MELTF: variants seen among roughly 807,000 people sequenced by gnomAD.
MELTF encodes the protein antigen p97 (melanoma associated) identified by monoclonal antibodies 133.2 and 96.5.
A neutral mutation model predicts 83.7 loss-of-function variants in MELTF; 67 were observed. The observed-to-expected ratio is 0.80, with a 90% CI of 0.66 to 0.98. The LOEUF (loss-of-function observed/expected upper bound fraction) is 0.98, where lower values mean the gene tolerates loss of function less well. Among genes scored for constraint, MELTF ranks in the 50% least tolerant of loss-of-function variants. MELTF has a pLI of 0.00. For missense variants in MELTF, 1,002 were observed against 1,035.6 expected (o/e 0.97, Z 0.44); for synonymous variants, 462 against 447.6 (o/e 1.03, Z -0.41).
chr3:197,003,805 C>T lies in MELTF; in HGVS notation c.2137+96G>A. Reference sequence around the variant, plus strand: ...ACTGCTGCGAACGGGCCTCCACCCGCCTCCCCGGACCCGCAGCGCCCCCCG... The same window carrying T: ...ACTGCTGCGAACGGGCCTCCACCCGTCTCCCCGGACCCGCAGCGCCCCCCG... On this transcript the variant is annotated intron_variant, in intron 15 of 15. Transcript: ENST00000296350. This position sits in a 1 kb window ranked among gnomAD's most constrained non-coding sequence, Gnocchi z 6.2. 1 of 1,360,558 alleles carries T rather than the reference C, an allele frequency of 7.3e-7. No individual in the cohort carries two copies. The highest frequency in any genetic ancestry group is 1.0e-6 in the Non-Finnish European group (1 of 992,338). 84.3% of individuals were successfully genotyped at this position (1,360,558 alleles called of 1,614,324 possible).
At chr3:197,021,365 C>T (rs1719615396) in intron 6 of MELTF, 39 bp downstream of exon 6, 10 of 1,608,314 alleles carry the variant, frequency 6.2e-6, no homozygotes, top group Non-Finnish European at 8.5e-6. Flanking sequence ...CCTGGCCTGA[C>T]TCCCTGCTCC....
rs928755356 is a variant in MELTF, at chr3:197,029,727, C to CGGGCTG, written c.-31_-26dup. ...TGGCGCCGTCGGGGCTGGCTGGGGC[C>CGGGCTG]GGGCTGGGGCTGGGTCCGGGTCCGA... On this transcript the variant is annotated 5_prime_UTR_variant, in exon 1 of 16. Coordinates refer to ENST00000296350, the MANE Select transcript of MELTF (RefSeq NM_005929.6). The surrounding 1 kb of genome is among the most constrained non-coding windows in gnomAD (Gnocchi z 6.5). 5.7e-6 allele frequency: 7 copies of CGGGCTG among 1,231,514 alleles called. No individual in the cohort carries two copies. Among genetic ancestry groups the CGGGCTG allele is most frequent in the Non-Finnish European group, 6.1e-6 (6 of 987,300 alleles). 76.3% of individuals were successfully genotyped at this position (1,231,514 alleles called of 1,614,324 possible). A position where few individuals can be genotyped will look rare whatever the true frequency, so the allele number is the denominator to read the frequency against.
chr3:197,026,449 G>A (rs1353312646), intron 3 of MELTF: 1 of 576,374 alleles, frequency 1.7e-6, no homozygotes, highest in Admixed American at 2.9e-5. Context: ...GCTCCCTGCG[G>A]GCAAGAGCAG....
rs534255605 is a variant in MELTF at position 197,006,251 on chromosome 3, T to G, written c.1938+298A>C. On this transcript the variant is annotated intron_variant, in intron 14 of 15. Transcript: ENST00000296350. This position sits in a 1 kb window ranked among gnomAD's most constrained non-coding sequence, Gnocchi z 5.4. ...AAAAAAGAAAAAAAGGGAGCAGGAT[T>G]ACAGCTGCAAGAGGATGGATGTGAG... Among the ~76,000 whole-genome samples, 103 of 152,104 alleles carry G rather than the reference T, an allele frequency of 6.8e-4. 1 individual carries two copies. The South Asian group carries it at 0.021, about 30-fold the overall frequency.
At position 197,016,246 on chromosome 3, in the gene MELTF, C is replaced by T; in HGVS notation, c.1024G>A (p.Ala342Thr). The change falls in exon 8 of 16, where the codon GCG (alanine) becomes ACG (threonine). Residue 342 changes from alanine (A) to threonine (T), a missense_variant. Transcript: ENST00000296350. ...LVPIATQTYE[A>T]WLGHEYLHAM... is the part of the protein sequence containing the mutation. ...TGCAGGTACTCATGGCCCAGCCACGCCTCATAGGTCTGTGTGGCGATGGGC... is the reference window on the plus strand; with the variant it reads ...TGCAGGTACTCATGGCCCAGCCACGTCTCATAGGTCTGTGTGGCGATGGGC... The T allele has an allele frequency of 6.2e-7, 1 of 1,610,214 alleles. No homozygotes were observed. The highest frequency in any genetic ancestry group is 8.5e-7 in the Non-Finnish European group (1 of 1,178,012).
rs781365544 is a variant in MELTF, at chr3:197,021,480, GAGA to G, written c.645-12_645-10del. On this transcript the variant is annotated splice_polypyrimidine_tract_variant and intron_variant, in intron 5 of 15. Transcript: ENST00000296350. Reference sequence around the variant, plus strand: ...CCCCTTCCGCCAGGCACCTGCGGAGGAGAAGCTGTGGGTCTGGATGGGCTGAGC... The same window carrying G: ...CCCCTTCCGCCAGGCACCTGCGGAGGAGCTGTGGGTCTGGATGGGCTGAGC... 1 of 1,613,334 alleles carries G rather than the reference GAGA, an allele frequency of 6.2e-7. No individual in the cohort carries two copies. The highest frequency in any genetic ancestry group is 8.5e-7 in the Non-Finnish European group (1 of 1,179,918).
At chr3:197,021,494 C>G (rs769819804) in intron 5 of MELTF, 23 bp from the exon 6 acceptor site, 1 of 1,611,470 alleles carries the variant, frequency 6.2e-7, no homozygotes, top group East Asian at 2.2e-5. Context: ...AGCTGTGGGT[C>G]TGGATGGGCT....
chr3:197,026,841 G>A, intron 2 of MELTF, 82 bp from the exon 3 acceptor site: 1 of 1,310,550 alleles, frequency 7.6e-7, no homozygotes, highest in Non-Finnish European at 1.1e-6. Context: ...AGATGGCCTG[G>A]GGCCCCACCC....
At position 197,010,686 on chromosome 3, in the gene MELTF, C is replaced by A; in HGVS notation, c.1330+12G>T. 6.2e-7 allele frequency: 1 copy of A among 1,607,812 alleles called. No individual in the cohort carries two copies. On this transcript the variant is annotated intron_variant, in intron 10 of 15. Transcript: ENST00000296350. Reference sequence around the variant, plus strand: ...CTCCCGGCTGAGGCCAGGCGGCAGGCCCTGCACTCACGGGCATAGTGCTCC... The same window carrying A: ...CTCCCGGCTGAGGCCAGGCGGCAGGACCTGCACTCACGGGCATAGTGCTCC...
intron 4 of MELTF, among the ~76,000 whole-genome samples, chr3:197,023,672 C>T (rs1011475685): frequency 6.6e-6 from 1 of 152,162 alleles, no homozygotes; most frequent in Non-Finnish European, 1.5e-5. Flanking sequence ...GCCAGTCGGG[C>T]CACGCTCATC....
At position 197,001,819 on chromosome 3, in the gene MELTF, A is replaced by G. The variant is rs1577919979; in HGVS notation, c.*1553T>C. The G allele has an allele frequency of 6.6e-6, 1 of 151,820 alleles. No individual in the cohort carries two copies. The highest frequency in any genetic ancestry group is 6.6e-5 in the Admixed American group (1 of 15,250). 9.4% of individuals were successfully genotyped at this position (151,820 alleles called of 1,614,324 possible). A position where few individuals can be genotyped will look rare whatever the true frequency, so the allele number is the denominator to read the frequency against. ...AAACCAACCAACATGTTTCATTAGC[A>G]CTGACACAGCAGGGGTCCCCTGCTG... On this transcript the variant is annotated 3_prime_UTR_variant, in exon 16 of 16. Transcript: ENST00000296350.
In MELTF at chr3:197,010,809, A is replaced by AT. The variant is rs780177287; in HGVS notation, c.1234-16_1234-15insA. On this transcript the variant is annotated splice_polypyrimidine_tract_variant and intron_variant, in intron 9 of 15. Coordinates refer to ENST00000296350, the MANE Select transcript of MELTF (RefSeq NM_005929.6). ...ACCTGCTCAGCCTGAAGGGAATAGA[A>AT]GAAGCCACTGGGCCGGGGTGGGCCC... The AT allele has an allele frequency of 6.2e-7, 1 of 1,612,472 alleles. No individual in the cohort carries two copies.
intron 10 of MELTF, among the ~76,000 whole-genome samples, chr3:197,010,302 T>C (rs1719141273): frequency 6.6e-6 from 1 of 152,212 alleles, no homozygotes; most frequent in African/African-American, 2.4e-5. Flanking sequence ...AAGGGCCACT[T>C]TCCATGGCTG....
chr3:197,017,336 G>A (rs1719421310), intron 6 of MELTF, 46 bp from the exon 7 acceptor site: 1 of 1,466,828 alleles, frequency 6.8e-7, no homozygotes, highest in African/African-American at 1.4e-5. Flanking sequence ...AAAGGGGTTG[G>A]GGCGGGTGGC....
Position 197,017,233 on chromosome 3 carries a change from C to T in MELTF, c.770G>A (p.Cys257Tyr), listed in dbSNP as rs374496026. The change falls in exon 7 of 16, where the codon TGC (cysteine) becomes TAC (tyrosine). Residue 257 changes from cysteine (C) to tyrosine (Y), a missense_variant. Transcript: ENST00000296350. ...ALLSQDFELL[C>Y]RDGSRADVTE... ...GACATCGGCCCGGCTACCATCCCGG[C>T]ACAGCAGCTCGAAGTCCTGTGACAG... 2.9e-5 allele frequency: 46 copies of T among 1,590,840 alleles called. No homozygotes were observed. The highest frequency in any genetic ancestry group is 3.9e-5 in the Non-Finnish European group (46 of 1,169,912).
intron 11 of MELTF, 108 bp from the exon 12 acceptor site, chr3:197,009,073 G>C (rs1719088160): frequency 7.6e-6 from 10 of 1,312,452 alleles, no homozygotes; most frequent in Admixed American, 1.9e-5. Context: ...ATCCTACACT[G>C]CAAGGCCACC....
At position 197,003,946 on chromosome 3, in the gene MELTF, C is replaced by T. The variant is rs148977686; in HGVS notation, c.2092G>A (p.Val698Met). ...GACGACATCCCTTCCAGCGCCGCCACGTAGTCCAGCCCCAGCCAGCCGCGG... is the reference window on the plus strand; with the variant it reads ...GACGACATCCCTTCCAGCGCCGCCATGTAGTCCAGCCCCAGCCAGCCGCGG... Reference protein sequence around the residue: ...TYRGWLGLDYVAALEGMSSQQ... With the variant: ...TYRGWLGLDYMAALEGMSSQQ... Residue 698 changes from valine to methionine, a missense_variant, in exon 15 of 16, where the codon GTG (valine) becomes ATG (methionine). Transcript: ENST00000296350. The surrounding 1 kb of genome is among the most constrained non-coding windows in gnomAD (Gnocchi z 6.2). 1.4e-5 allele frequency: 23 copies of T among 1,613,988 alleles called. 1 individual carries two copies. Among genetic ancestry groups the T allele is most frequent in the Admixed American group, 1.2e-4 (7 of 60,012 alleles).
In MELTF at chr3:197,017,652, C is replaced by T. The variant is rs183142615; in HGVS notation, c.713-362G>A. On this transcript the variant is annotated intron_variant, in intron 6 of 15. Coordinates refer to ENST00000296350, the MANE Select transcript of MELTF (RefSeq NM_005929.6). ...CAGCACTTTGGGAGGCCGAGGTGGG[C>T]GGATCACGAGGTCAGGAGATCAAGA... Among the ~76,000 whole-genome samples, 1,344 of 151,938 alleles carry T rather than the reference C, an allele frequency of 8.8e-3. 16 individuals carry two copies. The highest frequency in any genetic ancestry group is 0.03 in the African/African-American group (1,260 of 41,448).
intron 14 of MELTF, chr3:197,004,592 C>T (rs2271825): frequency 0.029 from 5,319 of 183,408 alleles, 151 homozygotes; most frequent in African/African-American, 0.072. Flanking sequence ...CTGACCCACC[C>T]GCCCAGGGAT....
Sources: allele counts gnomAD v4.1 joint callset (sites outside exome capture counted in the v4.1 genomes callset), GRCh38; gene constraint gnomAD v4.1.1; non-coding constraint Gnocchi (gnomAD v3.1); transcripts MANE v1.5; gene names NCBI Gene and HGNC (gene_info 2026-07-23, HGNC 2026-07-21).